GAS5: variants seen among roughly 807,000 people sequenced by gnomAD.
GAS5 encodes growth arrest specific 5 (non-protein coding).
At chr1:173,867,322 C>A (rs2102694083), upstream of GAS5, 3 of 431,086 alleles carry the variant, frequency 7.0e-6, no homozygotes, top group South Asian at 8.4e-5. Flanking sequence ...GAGTTCAAGA[C>A]CAGTCTCGCC....
chr1:173,865,507 T>A (rs1441299901), exon 6 of GAS5: 2 of 509,654 alleles, frequency 3.9e-6, no homozygotes, highest in Admixed American at 4.0e-5. Flanking sequence ...TTCATGTCCT[T>A]ACCCAAGCAA....
chr1:173,866,992 T>G, exon 1 of GAS5: 1 of 765,464 alleles, frequency 1.3e-6, no homozygotes, highest in South Asian at 1.3e-5. Context: ...AATTCTTACC[T>G]GTCCATAAGG....
chr1:173,867,819 T>G, upstream of GAS5: 1 of 514,624 alleles, frequency 1.9e-6, no homozygotes, highest in South Asian at 1.4e-5. Flanking sequence ...GCACCATATG[T>G]GCAATCCCCC....
chr1:173,866,739 TGA>T (rs1264798760), intron 2 of GAS5: 1 of 765,480 alleles, frequency 1.3e-6, no homozygotes, highest in Admixed American at 1.7e-5. Context: ...TAAACCTTTT[TGA>T]GAGGGAATTT....
chr1:173,866,537 A>G, exon 3 of GAS5: 1 of 729,244 alleles, frequency 1.4e-6, no homozygotes, highest in Non-Finnish European at 2.5e-6. Flanking sequence ...CCTGTGTGCC[A>G]ATGGCTTGAG....
chr1:173,867,952 A>T (rs2102699365), upstream of GAS5: 3 of 358,448 alleles, frequency 8.4e-6, no homozygotes, highest in South Asian at 6.2e-5. Flanking sequence ...CGCAAAGATA[A>T]AACATACCTC....
chr1:173,866,041 ACTTT>A lies in GAS5; in HGVS notation n.161+132_161+135del, dbSNP rs777038575. 2.9e-5 allele frequency: 15 copies of A among 519,016 alleles called. No individual in the cohort carries two copies. In the East Asian group the frequency reaches 4.4e-4, roughly 15 times the overall value. 32.2% of individuals were successfully genotyped at this position (519,016 alleles called of 1,614,324 possible). A position where few individuals can be genotyped will look rare whatever the true frequency, so the allele number is the denominator to read the frequency against. The stretch of plus-strand genomic sequence containing the variant: ...ATCATCATCCAGGCTGCATTTACAA[ACTTT>A]CTTATTAATCATAACAAGACAAGAA... On this transcript the variant is annotated intron_variant and non_coding_transcript_variant, in intron 4 of 7. Transcript: ENST00000651080.
upstream of GAS5, chr1:173,868,273 GA>G (rs1278446709): frequency 1.3e-5 from 2 of 153,226 alleles, no homozygotes; most frequent in African/African-American, 4.8e-5. Context: ...AAGCTCTGGG[GA>G]TGGGGGAAGG....
At chr1:173,867,971 C>G (rs774728853), upstream of GAS5, 1 of 334,446 alleles carries the variant, frequency 3.0e-6, no homozygotes, top group Non-Finnish European at 6.0e-6. Flanking sequence ...TCACAGGAGT[C>G]GACTCCTACC....
chr1:173,866,831 A>C (rs1281434882), intron 1 of GAS5: 3 of 765,488 alleles, frequency 3.9e-6, no homozygotes, highest in Non-Finnish European at 7.2e-6. Context: ...AAACAGTGAG[A>C]ATGAACCTCA....
At chr1:173,867,414 G>A (rs1198587267), upstream of GAS5, 2 of 352,690 alleles carry the variant, frequency 5.7e-6, no homozygotes, top group Middle Eastern at 9.6e-4. Flanking sequence ...TACTTGGGAG[G>A]CTGAGGCAGA....
chr1:173,867,717 C>A (rs1457818067), upstream of GAS5: 1 of 518,976 alleles, frequency 1.9e-6, no homozygotes, highest in African/African-American at 1.9e-5. Flanking sequence ...CTCAGATGTC[C>A]CTACCAACAC....
Position 173,865,826 on chromosome 1 carries a change from A to C in GAS5, n.199+31T>G. The C allele has an allele frequency of 2.1e-5, 11 of 511,792 alleles. 1 individual carries two copies. Among genetic ancestry groups the C allele is most frequent in the South Asian group, 1.6e-4 (11 of 70,920 alleles). 31.7% of individuals were successfully genotyped at this position (511,792 alleles called of 1,614,324 possible). A position where few individuals can be genotyped will look rare whatever the true frequency, so the allele number is the denominator to read the frequency against. On this transcript the variant is annotated intron_variant and non_coding_transcript_variant, in intron 5 of 7. Coordinates refer to ENST00000651080, the Ensembl canonical transcript of GAS5. ...GCATATCACCATCAGCATTTTCATTAAGTCTATCTACTGTTTTCATTAATA... is the reference window on the plus strand; with the variant it reads ...GCATATCACCATCAGCATTTTCATTCAGTCTATCTACTGTTTTCATTAATA...
At chr1:173,864,343 A>C (rs764889228) in intron 6 of GAS5, 18 of 518,496 alleles carry the variant, frequency 3.5e-5, no homozygotes, top group South Asian at 2.4e-4. Flanking sequence ...GGCAAAATAC[A>C]AATGTGTGAT....
chr1:173,868,560 C>T (rs762175061), upstream of GAS5, among the ~76,000 whole-genome samples: 1 of 152,220 alleles, frequency 6.6e-6, no homozygotes, highest in Admixed American at 6.5e-5. Context: ...CCTTCCACCC[C>T]CTTGGCCCCC....
chr1:173,866,428 T>C (rs890718597), intron 3 of GAS5: 1 of 589,238 alleles, frequency 1.7e-6, no homozygotes, highest in African/African-American at 1.8e-5. Flanking sequence ...AAATTCTCAT[T>C]TGAAAAGAGG....
chr1:173,866,819 CA>C (rs767577315), intron 1 of GAS5: 195 of 765,284 alleles, frequency 2.5e-4, no homozygotes, highest in South Asian at 6.0e-4. Context: ...AAGATGCAAG[CA>C]AAACAGTGAG....
intron 6 of GAS5, chr1:173,864,462 C>G: frequency 1.9e-6 from 1 of 516,526 alleles, no homozygotes; most frequent in Non-Finnish European, 3.9e-6. Flanking sequence ...AAAATCATCA[C>G]ATGTACCAAA....
At chr1:173,865,922 G>A (rs1231783538) in intron 4 of GAS5, 1 of 519,108 alleles carries the variant, frequency 1.9e-6, no homozygotes, top group South Asian at 1.4e-5. Context: ...TCTTAGAATA[G>A]CCACAGATGA....
Sources: gnomAD v4.1 joint callset for allele counts (sites outside exome capture counted in the v4.1 genomes callset) on GRCh38, gnomAD v4.1.1 for gene constraint, MANE v1.5 for transcripts, NCBI Gene and HGNC (gene_info 2026-07-23, HGNC 2026-07-21) for gene names.